The following ZNF106 variants were observed in gnomAD, a reference collection of about 807,000 sequenced individuals.
ZNF106 encodes zinc finger protein 106.
Under a neutral mutation model 195.1 loss-of-function variants are expected in ZNF106, and 67 were observed. That is an observed-to-expected ratio of 0.34 (90% CI 0.28 to 0.42). ZNF106 has a LOEUF of 0.42. Ranked by LOEUF, ZNF106 falls within the 10% of genes least tolerant of loss-of-function variation. The probability of loss-of-function intolerance (pLI) is 1.00; values close to 1 mark genes in which losing one functional copy is unlikely to be tolerated. For synonymous variants in ZNF106, 784 were observed against 818.6 expected (o/e 0.96, Z 0.72); for missense variants, 2,118 against 2,304.5 (o/e 0.92, Z 1.66).
intron 21 of ZNF106, 92 bp downstream of exon 21, chr15:42,417,713 T>C (rs1293673939): frequency 7.1e-7 from 1 of 1,411,692 alleles, no homozygotes; most frequent in Admixed American, 2.5e-5. Flanking sequence ...CCTCCCTATA[T>C]ATGGCAATTC....
chr15:42,425,014 T>C lies in ZNF106; in HGVS notation c.5010A>G (p.Arg1670=). The change falls in exon 16 of 22, where the codon CGA becomes CGG. Residue 1670 remains arginine (R), a synonymous_variant. Transcript: ENST00000564754. The part of the protein sequence containing the change: ...VVTFNIKNNK[R]LEIFECHGPR... ...GGCCATGGCATTCAAAGATCTCAAG[T>C]CGTTTGTTGTTCTGGAAAATAAGCC... 1.9e-6 allele frequency: 3 copies of C among 1,613,772 alleles called. No homozygotes were observed. The highest frequency in any genetic ancestry group is 2.5e-6 in the Non-Finnish European group (3 of 1,179,800).
chr15:42,465,236 T>G (rs888589695), intron 3 of ZNF106, among the ~76,000 whole-genome samples: 1 of 151,868 alleles, frequency 6.6e-6, no homozygotes, highest in Non-Finnish European at 1.5e-5. Context: ...ACTTATTAGA[T>G]TTCCTTTCCT....
At chr15:42,458,823 T>C (rs2056313409) in intron 3 of ZNF106, among the ~76,000 whole-genome samples, 1 of 151,738 alleles carries the variant, frequency 6.6e-6, no homozygotes, top group African/African-American at 2.4e-5. Flanking sequence ...TCAGGTGACC[T>C]GTAACAGAAA....
intron 10 of ZNF106, among the ~76,000 whole-genome samples, chr15:42,440,655 C>CT (rs1471655583): frequency 6.6e-6 from 1 of 151,886 alleles, no homozygotes; most frequent in Non-Finnish European, 1.5e-5. Context: ...TATACACCTA[C>CT]TATGTACCCA....
At chr15:42,489,297 C>A (rs1301760778) in intron 1 of ZNF106, among the ~76,000 whole-genome samples, 2 of 151,796 alleles carry the variant, frequency 1.3e-5, no homozygotes, top group Non-Finnish European at 1.5e-5. Context: ...CCTGCCTCAG[C>A]CTCCCAAGTA....
At chr15:42,476,989 A>C (rs1024044522) in intron 1 of ZNF106, among the ~76,000 whole-genome samples, 10 of 152,196 alleles carry the variant, frequency 6.6e-5, no homozygotes, top group Non-Finnish European at 1.0e-4. Flanking sequence ...TTAGTAGTTA[A>C]GTTTTTGGGG....
At position 42,451,127 on chromosome 15, in the gene ZNF106, T is replaced by C; in HGVS notation, c.1145A>G (p.Asp382Gly). The change falls in exon 5 of 22, where the codon GAT becomes GGT. Residue 382 changes from aspartate (D) to glycine (G), a missense_variant. By Grantham distance (94) the Asp-to-Gly change is moderately conservative. Coordinates refer to ENST00000564754, the MANE Select transcript of ZNF106 (RefSeq NM_001366845.3). ...GATGTCTTTCAATCCCGACTGTAAA[T>C]CCAGAGTCTTCTGAGAAGGGTAAGG... ...WTPYPSQKTL[D>G]LQSGLKDITG... 3 of 1,614,208 alleles carry C rather than the reference T, an allele frequency of 1.9e-6. No homozygotes were observed. Among genetic ancestry groups the C allele is most frequent in the Non-Finnish European group, 2.5e-6 (3 of 1,180,028 alleles).
intron 4 of ZNF106, 116 bp downstream of exon 4, chr15:42,456,842 A>G: frequency 2.1e-6 from 2 of 958,402 alleles, no homozygotes; most frequent in East Asian, 2.5e-5. Flanking sequence ...AACAACCTCA[A>G]GCTAAACTTT....
Position 42,428,120 on chromosome 15 carries a change from C to T in ZNF106, c.4896G>A (p.Val1632=). The stretch of plus-strand genomic sequence containing the variant: ...CCCGGTCTTCCAGCTGTAACTGCTC[C>T]ACACACTCTCGGCTCTGATAAAAGC... ...RCYNVKSREC[V]EQLQLEDRVL... Residue 1632 remains valine (V), a synonymous_variant, in exon 15 of 22, where the codon GTG becomes GTA. Transcript: ENST00000564754. 6.2e-7 allele frequency: 1 copy of T among 1,613,974 alleles called. No individual in the cohort carries two copies. The highest frequency in any genetic ancestry group is 8.5e-7 in the Non-Finnish European group (1 of 1,179,894).
chr15:42,424,619 C>T (rs910492166), intron 16 of ZNF106: 9 of 502,460 alleles, frequency 1.8e-5, no homozygotes, highest in Admixed American at 6.7e-5. Flanking sequence ...ATAAGTAGTA[C>T]AGGTGCACAC....
At chr15:42,473,406 C>T (rs539528107) in intron 1 of ZNF106, among the ~76,000 whole-genome samples, 1 of 152,262 alleles carries the variant, frequency 6.6e-6, no homozygotes, top group African/African-American at 2.4e-5. Context: ...CATGCCCTCC[C>T]GTTCTTCCTC....
chr15:42,422,600 G>T lies in ZNF106; in HGVS notation c.5274C>A (p.Ile1758=). The change falls in exon 18 of 22, where the codon ATC becomes ATA. Residue 1758 remains isoleucine, a synonymous_variant. Transcript: ENST00000564754. ...TCACTGCATGATTGTGACCTTTATA[G>T]ATCCGCACGAGCTCACCAGTCTATG... is the stretch of plus-strand genomic sequence containing the variant. ...HNIHTGELVR[I]YKGHNHAVTV... is the part of the protein sequence containing the mutation. The T allele has an allele frequency of 1.2e-6, 2 of 1,612,456 alleles. No individual in the cohort carries two copies. Among genetic ancestry groups the T allele is most frequent in the Non-Finnish European group, 1.7e-6 (2 of 1,179,658 alleles).
rs1324563121 is a variant in ZNF106 at position 42,454,733 on chromosome 15, T to A, written c.317+2225A>T. ...ACCCCATCTCTACCAAAAATAAAAA[T>A]AAAAAAAAAAAAATTAGCCACGCAT... On this transcript the variant is annotated intron_variant, in intron 4 of 21. Transcript: ENST00000564754. Among the ~76,000 whole-genome samples, 104 of 140,088 alleles carry A rather than the reference T, an allele frequency of 7.4e-4. 1 individual carries two copies. Among genetic ancestry groups the A allele is most frequent in the Admixed American group, 2.8e-3 (39 of 14,008 alleles). 91.9% of individuals were successfully genotyped at this position (140,088 alleles called of 152,430 possible).
intron 3 of ZNF106, among the ~76,000 whole-genome samples, chr15:42,462,926 G>A (rs1468583324): frequency 6.6e-6 from 1 of 151,662 alleles, no homozygotes; most frequent in African/African-American, 2.4e-5. Flanking sequence ...TGGACTACAG[G>A]TGCAACCCAC....
chr15:42,487,659 C>T (rs1023714707), intron 1 of ZNF106, among the ~76,000 whole-genome samples: 1 of 152,044 alleles, frequency 6.6e-6, no homozygotes, highest in African/African-American at 2.4e-5. Context: ...AATTTACCAT[C>T]TTAACCATTT....
chr15:42,422,772 C>T, intron 17 of ZNF106, 152 bp from the exon 18 acceptor site: 1 of 719,414 alleles, frequency 1.4e-6, no homozygotes, highest in Non-Finnish European at 2.0e-6. Context: ...ACAGTTAATA[C>T]AACTGTATTA....
chr15:42,430,017 A>G (rs1257476006), intron 14 of ZNF106, among the ~76,000 whole-genome samples: 1 of 152,054 alleles, frequency 6.6e-6, no homozygotes, highest in African/African-American at 2.4e-5. Context: ...CAGGGCTATG[A>G]AATGGTCTAC....
At chr15:42,426,525 G>C (rs2054864246) in intron 15 of ZNF106, among the ~76,000 whole-genome samples, 2 of 150,302 alleles carry the variant, frequency 1.3e-5, no homozygotes, top group Admixed American at 6.6e-5. Flanking sequence ...TCAGCTTCCT[G>C]AGTAGCTGGG....
rs561993480 is a variant in ZNF106, at chr15:42,417,024, T to C, written c.*280A>G. Reference sequence around the variant, plus strand: ...TTAGGATCTGTATCTTCAATAAACATCTGGAGAACGCAAATAGCATATATC... The same window carrying C: ...TTAGGATCTGTATCTTCAATAAACACCTGGAGAACGCAAATAGCATATATC... On this transcript the variant is annotated 3_prime_UTR_variant, in exon 22 of 22. Coordinates refer to ENST00000564754, the MANE Select transcript of ZNF106 (RefSeq NM_001366845.3). 21 of 310,476 alleles carry C rather than the reference T, an allele frequency of 6.8e-5. No homozygotes were observed. Among genetic ancestry groups the C allele is most frequent in the African/African-American group, 4.5e-4 (21 of 46,640 alleles). 19.2% of individuals were successfully genotyped at this position (310,476 alleles called of 1,614,324 possible).
Sources: allele counts gnomAD v4.1 joint callset (sites outside exome capture counted in the v4.1 genomes callset), GRCh38; gene constraint gnomAD v4.1.1; transcripts MANE v1.5; gene names NCBI Gene and HGNC (gene_info 2026-07-23, HGNC 2026-07-21).